The following KIAA1217 variants were observed in gnomAD, a reference collection of about 807,000 sequenced individuals.
The protein encoded by KIAA1217 is sickle tail protein homolog.
In KIAA1217, 88 loss-of-function variants were observed where a neutral mutation model predicts 163.9. The ratio of observed to expected loss-of-function variants is 0.54; its 90% CI spans 0.45 to 0.64. The LOEUF (loss-of-function observed/expected upper bound fraction) is 0.64. Ranked by LOEUF, KIAA1217 falls within the 30% of genes least tolerant of loss-of-function variation. The pLI is 0.00. For synonymous variants in KIAA1217, 903 were observed against 923.1 expected (o/e 0.98, Z 0.39); for missense variants, 2,372 against 2,475.0 (o/e 0.96, Z 0.88).
chr10:24,118,684 T>A (rs1158295167), intron 2 of KIAA1217, among the ~76,000 whole-genome samples: 1 of 151,378 alleles, frequency 6.6e-6, no homozygotes, highest in African/African-American at 2.4e-5. Flanking sequence ...ATTTTTCTTT[T>A]GTTACTTACA....
intron 1 of KIAA1217, among the ~76,000 whole-genome samples, chr10:23,713,166 T>C (rs1442153473): frequency 1.3e-5 from 2 of 152,156 alleles, no homozygotes; most frequent in African/African-American, 4.8e-5. Context: ...TGAATAGAAC[T>C]GTTTGAAGCT....
At chr10:24,015,754 C>CAAAAA (rs3072771) in intron 2 of KIAA1217, among the ~76,000 whole-genome samples, 1 of 121,050 alleles carries the variant, frequency 8.3e-6, no homozygotes, top group African/African-American at 3.6e-5. Flanking sequence ...GACTCTGACT[C>CAAAAA]AAAAAAAAAA....
Position 24,167,922 on chromosome 10 carries a change from A to G in KIAA1217, c.-170-51704A>G, listed in dbSNP as rs148214925. Among the ~76,000 whole-genome samples, 349 of 152,260 alleles carry G rather than the reference A, an allele frequency of 2.3e-3. 1 individual carries two copies. Among genetic ancestry groups the G allele is most frequent in the Non-Finnish European group, 3.6e-3 (248 of 68,002 alleles). On this transcript the variant is annotated intron_variant, in intron 2 of 18. Coordinates refer to the KIAA1217 transcript ENST00000376462. ...GCAAGAAACCTCAAGATGGGAGCCA[A>G]ACTCACTTTTATAACAAACCCAATC...
intron 3 of KIAA1217, among the ~76,000 whole-genome samples, chr10:24,413,913 G>C (rs1170406384): frequency 1.3e-5 from 2 of 152,152 alleles, no homozygotes; most frequent in African/African-American, 4.8e-5. Flanking sequence ...ACTTGTTTAT[G>C]AGTTTAGTGT....
intron 2 of KIAA1217, among the ~76,000 whole-genome samples, chr10:24,140,142 G>A (rs970567228): frequency 2.6e-5 from 4 of 151,882 alleles, no homozygotes; most frequent in African/African-American, 9.7e-5. Flanking sequence ...GGTGGATCAC[G>A]AGGTCAGGAG....
In KIAA1217 at chr10:24,542,892, G is replaced by C. The variant is rs977949942; in HGVS notation, c.3622G>C (p.Gly1208Arg). The change falls in exon 19 of 21, where the codon GGG becomes CGG. Residue 1208 changes from glycine (G) to arginine (R), a missense_variant. Around this residue, in one of 3 missense-constraint regions of KIAA1217, gnomAD observed 251 missense variants for 327.3 expected, o/e 0.77. Transcript: ENST00000376454. ...PQMEFQKVTT[G>R]AVRPSDPPKW... ...CCGTTCTCCCTCTCAGGTTACCACA[G>C]GGGCTGTAAGACCTAGTGACCCTCC... The C allele has an allele frequency of 1.9e-6, 3 of 1,610,472 alleles. No individual in the cohort carries two copies. The African/African-American group carries it at 4.0e-5, about 22-fold the overall frequency.
intron 2 of KIAA1217, among the ~76,000 whole-genome samples, chr10:24,116,668 G>GA (rs2063067522): frequency 6.6e-6 from 1 of 151,852 alleles, no homozygotes. Flanking sequence ...GTCTATAAAA[G>GA]TTTTTTTTGT....
chr10:24,487,161 T>G (rs2065508728), intron 6 of KIAA1217, among the ~76,000 whole-genome samples: 1 of 152,262 alleles, frequency 6.6e-6, no homozygotes, highest in Non-Finnish European at 1.5e-5. Flanking sequence ...GCCATTCTTT[T>G]CAGCATCATT....
chr10:24,242,490 C>A (rs970438799), intron 2 of KIAA1217, among the ~76,000 whole-genome samples: 4 of 152,136 alleles, frequency 2.6e-5, no homozygotes, highest in African/African-American at 9.7e-5. Context: ...TTTATCCAGT[C>A]CACCATTGAC....
Position 23,979,860 on chromosome 10 carries a change from T to G in KIAA1217, c.-320-27365T>G, listed in dbSNP as rs532470933. Among the ~76,000 whole-genome samples the G allele has an allele frequency of 3.3e-5, 5 of 152,330 alleles. No individual in the cohort carries two copies. In the South Asian group the frequency reaches 6.2e-4, roughly 19 times the overall value. On this transcript the variant is annotated intron_variant, in intron 1 of 18. Coordinates refer to the KIAA1217 transcript ENST00000376462. ...ATTTCAATTGATTTTCTTTTCCTTT[T>G]TTTTCTAATTTTTGTTCCTTATTTC... is the stretch of plus-strand genomic sequence containing the variant.
chr10:24,001,045 A>C (rs1375100201), intron 1 of KIAA1217, among the ~76,000 whole-genome samples: 2 of 151,524 alleles, frequency 1.3e-5, no homozygotes, highest in African/African-American at 4.9e-5. Flanking sequence ...AAGATATTGC[A>C]GAATAGGGCC....
At chr10:23,904,726 C>G (rs1564521591) in intron 1 of KIAA1217, among the ~76,000 whole-genome samples, 3 of 152,238 alleles carry the variant, frequency 2.0e-5, no homozygotes, top group Non-Finnish European at 1.5e-5. Context: ...TAGGTACAAT[C>G]TTGTGGCCCA....
intron 2 of KIAA1217, among the ~76,000 whole-genome samples, chr10:24,039,894 T>C (rs1848560851): frequency 6.6e-6 from 1 of 152,118 alleles, no homozygotes; most frequent in Non-Finnish European, 1.5e-5. Context: ...ACTAGTACAA[T>C]TCCCAACTCT....
At position 24,513,217 on chromosome 10, in the gene KIAA1217, G is replaced by C. The variant is rs183359865; in HGVS notation, c.2002-42G>C. 4,333 of 1,597,888 alleles carry C rather than the reference G, an allele frequency of 2.7e-3. 10 individuals are homozygous for C. The highest frequency in any genetic ancestry group is 3.3e-3 in the Non-Finnish European group (3,905 of 1,169,048). On this transcript the variant is annotated intron_variant, in intron 9 of 20. Coordinates refer to ENST00000376454, the MANE Select transcript of KIAA1217 (RefSeq NM_019590.5). Reference sequence around the variant, plus strand: ...AAGGCATTCACTCGCCTCCATTTCAGGCAGGCAGAGCCCACTGAGGTTGAT... The same window carrying C: ...AAGGCATTCACTCGCCTCCATTTCACGCAGGCAGAGCCCACTGAGGTTGAT...
chr10:23,962,304 A>T (rs2131374740), intron 1 of KIAA1217, among the ~76,000 whole-genome samples: 1 of 152,362 alleles, frequency 6.6e-6, no homozygotes, highest in South Asian at 2.1e-4. Flanking sequence ...AAATAGGGGT[A>T]TATGAAGTAC....
chr10:23,930,949 T>C lies in KIAA1217; in HGVS notation c.-320-76276T>C, dbSNP rs563229002. Reference sequence around the variant, plus strand: ...GATACACCCAATTATACAGGAGTTCTAGTTCATTGTCTTTTTTGCAATTAA... The same window carrying C: ...GATACACCCAATTATACAGGAGTTCCAGTTCATTGTCTTTTTTGCAATTAA... On this transcript the variant is annotated intron_variant, in intron 1 of 18. Transcript: ENST00000376462. 3.0e-4 allele frequency among the ~76,000 whole-genome samples: 45 copies of C among 152,300 alleles called. No homozygotes were observed. In the South Asian group the frequency reaches 9.3e-3, roughly 32 times the overall value.
intron 1 of KIAA1217, among the ~76,000 whole-genome samples, chr10:23,859,850 C>CT (rs930397430): frequency 1.2e-3 from 177 of 144,894 alleles, no homozygotes; most frequent in South Asian, 2.2e-3. Flanking sequence ...TGTGATCCCT[C>CT]TTTTTTTTTT....
intron 2 of KIAA1217, among the ~76,000 whole-genome samples, chr10:24,302,401 G>T (rs182468777): frequency 1.2e-3 from 187 of 152,280 alleles, no homozygotes; most frequent in Middle Eastern, 6.8e-3. Context: ...GCATGCCTAG[G>T]TTAAGTTATT....
chr10:23,833,243 A>C (rs1205666820), intron 1 of KIAA1217, among the ~76,000 whole-genome samples: 1 of 152,150 alleles, frequency 6.6e-6, no homozygotes, highest in African/African-American at 2.4e-5. Context: ...GTGAGTTCTC[A>C]ATTAATTTAG....
Sources: gnomAD v4.1 joint callset for allele counts (sites outside exome capture counted in the v4.1 genomes callset) on GRCh38, gnomAD v4.1.1 for gene constraint, gnomAD v4.1.1 regional missense constraint, MANE v1.5 for transcripts, NCBI Gene and HGNC (gene_info 2026-07-23, HGNC 2026-07-21) for gene names.